The following CHST9 variants were observed in gnomAD, a reference collection of about 807,000 sequenced individuals.
CHST9 encodes the protein carbohydrate sulfotransferase 9, also known as GalNAc-4-sulfotransferase 2.
Under a neutral mutation model 44.4 loss-of-function variants are expected in CHST9, and 41 were observed. That is an observed-to-expected ratio of 0.92 (90% confidence interval 0.72 to 1.20). CHST9 has a LOEUF of 1.20. Ranked by LOEUF, CHST9 falls within the 50% of genes most tolerant of loss-of-function variation. The pLI is 0.00. For missense variants in CHST9, 504 were observed against 516.5 expected, an observed-to-expected ratio of 0.98 and a Z score of 0.23; for synonymous variants, 171 against 178.4, an observed-to-expected ratio of 0.96 and a Z score of 0.33.
At chr18:27,075,732 C>T (rs2057897031) in intron 2 of CHST9, among the ~76,000 whole-genome samples, 1 of 152,108 alleles carries the variant, frequency 6.6e-6, no homozygotes, top group South Asian at 2.1e-4. Context: ...TCCTATTAGA[C>T]ATGGAAAACA....
intron 4 of CHST9, among the ~76,000 whole-genome samples, chr18:26,974,837 C>A (rs2056597649): frequency 6.6e-6 from 1 of 152,248 alleles, no homozygotes; most frequent in Middle Eastern, 3.4e-3. Context: ...CCACGCCCGG[C>A]TAAATTTTTT....
At chr18:27,128,285 T>A (rs1028620592) in intron 2 of CHST9, among the ~76,000 whole-genome samples, 1 of 152,188 alleles carries the variant, frequency 6.6e-6, no homozygotes, top group African/African-American at 2.4e-5. Flanking sequence ...TTATTTATTT[T>A]TTGAGATGGA....
intron 1 of CHST9, among the ~76,000 whole-genome samples, chr18:27,180,285 G>GTTA (rs1245507200): frequency 6.6e-6 from 1 of 152,124 alleles, no homozygotes; most frequent in Non-Finnish European, 1.5e-5. Context: ...GTCTAGTGAA[G>GTTA]TTATCCCTGA....
chr18:26,994,160 G>T (rs1448127176), intron 4 of CHST9, among the ~76,000 whole-genome samples: 2 of 152,194 alleles, frequency 1.3e-5, no homozygotes, highest in Non-Finnish European at 2.9e-5. Context: ...ACATTCTGAG[G>T]TACAAGGGGT....
At chr18:27,015,685 C>A (rs948869785) in intron 4 of CHST9, among the ~76,000 whole-genome samples, 2 of 152,128 alleles carry the variant, frequency 1.3e-5, no homozygotes, top group Non-Finnish European at 1.5e-5. Flanking sequence ...ACTAGGCTGA[C>A]CAAAGGGTAG....
At chr18:27,159,655 G>A (rs1282043407) in intron 1 of CHST9, among the ~76,000 whole-genome samples, 1 of 152,166 alleles carries the variant, frequency 6.6e-6, no homozygotes, top group Non-Finnish European at 1.5e-5. Context: ...GAAAGTCATT[G>A]GTAGCTTGAT....
In CHST9 at chr18:27,128,226, C is replaced by T. The variant is rs183724787; in HGVS notation, c.121+14463G>A. ...ATTGGTTATGAGGCTTCTTCATGAC[C>T]CGAGCAAAACACACCCACAAAAAGA... is the stretch of plus-strand genomic sequence containing the variant. On this transcript the variant is annotated intron_variant, in intron 2 of 5. Coordinates refer to ENST00000618847, the MANE Select transcript of CHST9 (RefSeq NM_031422.6). 1.5e-3 allele frequency among the ~76,000 whole-genome samples: 231 copies of T among 152,154 alleles called. 1 individual carries two copies. Among genetic ancestry groups the T allele is most frequent in the African/African-American group, 5.2e-3 (216 of 41,502 alleles).
Position 27,056,507 on chromosome 18 carries a change from TG to T in CHST9, c.122-8005del, listed in dbSNP as rs554380655. ...CACCTCATTTTAATCTAAGGTGAAT[TG>T]TTTTTTTCTGGAAATGGGAGTAATA... On this transcript the variant is annotated intron_variant, in intron 2 of 5. Coordinates refer to ENST00000618847, the MANE Select transcript of CHST9 (RefSeq NM_031422.6). Among the ~76,000 whole-genome samples the T allele has an allele frequency of 1.4e-3, 209 of 152,294 alleles. 1 individual carries two copies. The highest frequency in any genetic ancestry group is 4.8e-3 in the African/African-American group (198 of 41,556).
intron 1 of CHST9, among the ~76,000 whole-genome samples, chr18:27,158,381 T>C (rs1434053193): frequency 4.6e-5 from 7 of 152,036 alleles, no homozygotes; most frequent in Admixed American, 6.6e-5. Context: ...TGTGATAGTT[T>C]GCTGAGAATG....
At chr18:27,103,823 C>G (rs531252313) in intron 2 of CHST9, among the ~76,000 whole-genome samples, 2 of 152,210 alleles carry the variant, frequency 1.3e-5, no homozygotes, top group Non-Finnish European at 2.9e-5. Context: ...GGAATTAATG[C>G]TTTTCTTGCT....
Position 26,919,241 on chromosome 18 carries a change from G to A in CHST9, c.241-1891C>T, listed in dbSNP as rs553506576. Among the ~76,000 whole-genome samples the A allele has an allele frequency of 6.2e-4, 95 of 152,228 alleles. 1 individual carries two copies. In the South Asian group the frequency reaches 0.014, roughly 22 times the overall value. On this transcript the variant is annotated intron_variant, in intron 5 of 5. Coordinates refer to ENST00000618847, the MANE Select transcript of CHST9 (RefSeq NM_031422.6). ...GCCAAACCATATCACCCCCTGAAAC[G>A]GCCACTCCAAATCTTCCATACCATT...
At chr18:26,997,870 G>A (rs1246698242) in intron 4 of CHST9, among the ~76,000 whole-genome samples, 2 of 152,144 alleles carry the variant, frequency 1.3e-5, no homozygotes, top group Non-Finnish European at 2.9e-5. Context: ...GGCCTGCATA[G>A]GGCCATTTAC....
chr18:27,073,454 A>C (rs2057864454), intron 2 of CHST9, among the ~76,000 whole-genome samples: 1 of 151,742 alleles, frequency 6.6e-6, no homozygotes, highest in Non-Finnish European at 1.5e-5. Flanking sequence ...GGGGAAGTGA[A>C]ACCCTTAGAC....
At chr18:26,946,999 G>A (rs555179742) in intron 4 of CHST9, among the ~76,000 whole-genome samples, 4 of 152,214 alleles carry the variant, frequency 2.6e-5, no homozygotes, top group East Asian at 1.9e-4. Flanking sequence ...TTGGCTATAT[G>A]TGCTCTTTTT....
At chr18:27,027,898 A>G (rs2057299666) in intron 3 of CHST9, among the ~76,000 whole-genome samples, 1 of 151,884 alleles carries the variant, frequency 6.6e-6, no homozygotes, top group Admixed American at 6.6e-5. Flanking sequence ...CCTTTATTTT[A>G]TTTTATTTTG....
At chr18:26,944,963 CAT>C (rs1411442804) in intron 4 of CHST9, among the ~76,000 whole-genome samples, 1 of 151,928 alleles carries the variant, frequency 6.6e-6, no homozygotes, top group Non-Finnish European at 1.5e-5. Flanking sequence ...AACCAAGGGA[CAT>C]AAAAAATAAG....
At chr18:27,015,322 GTTGTGTGT>G (rs751907020) in intron 4 of CHST9, among the ~76,000 whole-genome samples, 4 of 70,992 alleles carry the variant, frequency 5.6e-5, no homozygotes, top group Admixed American at 5.2e-4. Context: ...CAGAGAGGCA[GTTGTGTGT>G]GTGTGTGTGT....
Position 26,917,036 on chromosome 18 carries a change from A to C in CHST9, c.555T>G (p.Phe185Leu), listed in dbSNP as rs1402173043. 9.3e-6 allele frequency: 15 copies of C among 1,613,974 alleles called. No homozygotes were observed. The highest frequency in any genetic ancestry group is 1.3e-5 in the Non-Finnish European group (15 of 1,179,892). The change falls in exon 6 of 6, where the codon TTT becomes TTG. Residue 185 changes from phenylalanine to leucine, a missense_variant. Coordinates refer to ENST00000618847, the MANE Select transcript of CHST9 (RefSeq NM_031422.6). ...QEKRRSFLQE[F>L]CKKYGGVSHH... ...GACTCACCCCACCGTATTTCTTGCA[A>C]AACTCCTGAAGGAAAGACCTTCGTT...
intron 2 of CHST9, among the ~76,000 whole-genome samples, chr18:27,127,754 C>T (rs1419544728): frequency 6.6e-6 from 1 of 152,042 alleles, no homozygotes; most frequent in Non-Finnish European, 1.5e-5. Flanking sequence ...TGGGCAAGAC[C>T]ACTGAGGAGG....
Sources: gnomAD v4.1 joint callset for allele counts (sites outside exome capture counted in the v4.1 genomes callset) on GRCh38, gnomAD v4.1.1 for gene constraint, MANE v1.5 for transcripts, NCBI Gene and HGNC (gene_info 2026-07-23, HGNC 2026-07-21) for gene names.